The following ZBTB7C variants were observed in gnomAD, a reference collection of about 807,000 sequenced individuals.
ZBTB7C encodes the protein zinc finger and BTB domain-containing protein 7C.
In ZBTB7C, 8 loss-of-function variants were observed where a neutral mutation model predicts 25.7. The ratio of observed to expected loss-of-function variants is 0.31; its 90% CI spans 0.18 to 0.56. The LOEUF (loss-of-function observed/expected upper bound fraction) is 0.56, where lower values mean the gene tolerates loss of function less well. Ranked by LOEUF, ZBTB7C falls within the 20% of genes least tolerant of loss-of-function variation. ZBTB7C has a pLI of 0.91. For synonymous variants in ZBTB7C, 394 were observed against 369.0 expected (o/e 1.07, Z -0.78); for missense variants, 824 against 855.2 (o/e 0.96, Z 0.46).
intron 1 of ZBTB7C, among the ~76,000 whole-genome samples, chr18:48,403,470 G>A (rs749128352): frequency 5.3e-5 from 8 of 152,166 alleles, no homozygotes; most frequent in Non-Finnish European, 7.4e-5. Context: ...CAGGGCCTTG[G>A]GCTGACTCAA....
At chr18:48,354,186 T>C (rs570429775) in intron 1 of ZBTB7C, among the ~76,000 whole-genome samples, 1 of 152,240 alleles carries the variant, frequency 6.6e-6, no homozygotes, top group East Asian at 1.9e-4. Flanking sequence ...CGTTTTGTGG[T>C]TTTTGTTTGT....
At chr18:48,164,069 A>G (rs1019524668) in intron 3 of ZBTB7C, among the ~76,000 whole-genome samples, 3 of 152,242 alleles carry the variant, frequency 2.0e-5, no homozygotes, top group Non-Finnish European at 4.4e-5. Flanking sequence ...TACTGAGTTC[A>G]AGAGGCACCA....
intron 3 of ZBTB7C, among the ~76,000 whole-genome samples, chr18:48,156,325 C>T (rs186335026): frequency 5.7e-4 from 87 of 152,304 alleles, no homozygotes; most frequent in Admixed American, 3.0e-3. Context: ...ACAACAGTCC[C>T]ATGGAGCTCC....
intron 2 of ZBTB7C, among the ~76,000 whole-genome samples, chr18:48,226,349 C>T (rs1331426478): frequency 6.6e-6 from 1 of 152,162 alleles, no homozygotes; most frequent in African/African-American, 2.4e-5. Context: ...TAACTTCTTG[C>T]CCCATTTTAG....
chr18:48,302,948 G>A (rs971450433), intron 2 of ZBTB7C, among the ~76,000 whole-genome samples: 1 of 152,014 alleles, frequency 6.6e-6, no homozygotes, highest in South Asian at 2.1e-4. Context: ...TCCCATTAGC[G>A]TTCACAGTGC....
intron 2 of ZBTB7C, among the ~76,000 whole-genome samples, chr18:48,195,766 A>G (rs997186595): frequency 6.6e-6 from 1 of 152,128 alleles, no homozygotes; most frequent in Non-Finnish European, 1.5e-5. Flanking sequence ...TGTTTCACCC[A>G]CACCTAACTC....
At chr18:48,057,688 A>G (rs902641922) in intron 3 of ZBTB7C, among the ~76,000 whole-genome samples, 1 of 152,146 alleles carries the variant, frequency 6.6e-6, no homozygotes, top group Non-Finnish European at 1.5e-5. Flanking sequence ...TCTTTTACAG[A>G]CTTCTAAATT....
At position 48,026,706 on chromosome 18, in the gene ZBTB7C, T is replaced by G. The variant is rs970767603; in HGVS notation, c.*2554A>C. 6.6e-6 allele frequency: 1 copy of G among 151,854 alleles called. No individual in the cohort carries two copies. The highest frequency in any genetic ancestry group is 2.4e-5 in the African/African-American group (1 of 41,328). The allele number at this position is 151,854 out of a possible 1,614,324, so 9.4% of individuals were successfully genotyped here. On this transcript the variant is annotated 3_prime_UTR_variant, in exon 5 of 5. Coordinates refer to ENST00000590800, the MANE Select transcript of ZBTB7C (RefSeq NM_001318841.2). ...CATAGCTCACTTTTACTCAAAACAC[T>G]GTCCTTTAAAGTATAAAATAAGGGT...
intron 2 of ZBTB7C, among the ~76,000 whole-genome samples, chr18:48,255,521 C>A (rs1325058816): frequency 3.3e-5 from 5 of 152,100 alleles, no homozygotes; most frequent in African/African-American, 9.7e-5. Flanking sequence ...GTTTATCTGA[C>A]CTTCCAAGAA....
At chr18:48,349,910 G>A (rs1179631034) in intron 1 of ZBTB7C, among the ~76,000 whole-genome samples, 2 of 152,206 alleles carry the variant, frequency 1.3e-5, no homozygotes, top group African/African-American at 4.8e-5. Flanking sequence ...ACCTAGCACA[G>A]TGCCTGGCCT....
At chr18:48,344,213 A>G (rs1187326818) in intron 1 of ZBTB7C, among the ~76,000 whole-genome samples, 2 of 152,118 alleles carry the variant, frequency 1.3e-5, no homozygotes, top group African/African-American at 4.8e-5. Flanking sequence ...TGAACTCCTG[A>G]CCTCAAGTGA....
At chr18:48,321,384 G>T (rs1234475130) in intron 2 of ZBTB7C, among the ~76,000 whole-genome samples, 1 of 152,176 alleles carries the variant, frequency 6.6e-6, no homozygotes, top group Non-Finnish European at 1.5e-5. Flanking sequence ...GCACTGTGCT[G>T]GGTAGAGCAT....
intron 2 of ZBTB7C, among the ~76,000 whole-genome samples, chr18:48,286,961 A>C (rs973406440): frequency 2.6e-5 from 4 of 152,156 alleles, no homozygotes; most frequent in Non-Finnish European, 4.4e-5. Flanking sequence ...CTGAGGTAGG[A>C]GATTGCTTGA....
At chr18:48,076,827 T>C (rs1269532129) in intron 3 of ZBTB7C, 2 of 537,156 alleles carry the variant, frequency 3.7e-6, no homozygotes, top group Admixed American at 6.4e-5. Context: ...TGAGAACCCA[T>C]GGGATTGCAG....
intron 3 of ZBTB7C, among the ~76,000 whole-genome samples, chr18:48,075,267 C>T (rs1294113006): frequency 6.6e-6 from 1 of 152,238 alleles, no homozygotes; most frequent in Non-Finnish European, 1.5e-5. Flanking sequence ...CATTTCTCCC[C>T]TCCCAAATGC....
chr18:48,409,405 G>T (rs1292088679), upstream of ZBTB7C: 2 of 146,692 alleles, frequency 1.4e-5, no homozygotes, highest in Non-Finnish European at 3.0e-5. Flanking sequence ...GCGGCAGCGG[G>T]CGAGCGGGCA....
chr18:48,408,238 T>A (rs2145346332), intron 1 of ZBTB7C: 1 of 152,438 alleles, frequency 6.6e-6, no homozygotes, highest in Non-Finnish European at 1.5e-5. Flanking sequence ...AGCTGCCGCT[T>A]CGCTTTTCTT....
chr18:48,207,719 G>A (rs1191420693), intron 2 of ZBTB7C, among the ~76,000 whole-genome samples: 6 of 152,074 alleles, frequency 3.9e-5, no homozygotes, highest in South Asian at 2.1e-4. Context: ...CTCCCAAAAC[G>A]TTGGGATTAC....
intron 3 of ZBTB7C, among the ~76,000 whole-genome samples, chr18:48,167,504 AG>A (rs1555705355): frequency 2.6e-5 from 4 of 151,980 alleles, no homozygotes; most frequent in Non-Finnish European, 5.9e-5. Flanking sequence ...GACTCAGCAC[AG>A]ACCTAACACT....
Sources: gnomAD v4.1 joint callset for allele counts (sites outside exome capture counted in the v4.1 genomes callset) on GRCh38, gnomAD v4.1.1 for gene constraint, MANE v1.5 for transcripts, NCBI Gene and HGNC (gene_info 2026-07-23, HGNC 2026-07-21) for gene names.